BACH2: variants seen among roughly 807,000 people sequenced by gnomAD.
BACH2 encodes transcription regulator protein BACH2.
BACH2 carries 5 observed loss-of-function variants against 61.8 expected under a neutral mutation model. That is an observed-to-expected ratio of 0.08 (90% CI 0.04 to 0.17). The LOEUF (loss-of-function observed/expected upper bound fraction) is 0.17. Among genes scored for constraint, BACH2 ranks in the 10% least tolerant of loss-of-function variants. BACH2 has a pLI of 1.00. For missense variants in BACH2, 824 were observed against 1,091.1 expected (o/e 0.76, Z 3.45); for synonymous variants, 446 against 440.1 (o/e 1.01, Z -0.17).
chr6:90,201,254 G>A (rs545083970), intron 4 of BACH2, among the ~76,000 whole-genome samples: 28 of 152,254 alleles, frequency 1.8e-4, no homozygotes, highest in Non-Finnish European at 3.7e-4. Context: ...TTTTTTAGGC[G>A]TTGATACACC....
rs1374629645 is a variant in BACH2 at position 89,951,691 on chromosome 6, C to T, written c.415G>A (p.Gly139Ser). 6.2e-7 allele frequency: 1 copy of T among 1,614,104 alleles called. No homozygotes were observed. The highest frequency in any genetic ancestry group is 8.5e-7 in the Non-Finnish European group (1 of 1,180,050). ...LQTQLLNSED[G>S]LFVCRKDAAC... ...GCATCCTTCCGGCACACAAACAGGCCATCCTCACTGTTCAGGAGCTGGGTC... is the reference window on the plus strand; with the variant it reads ...GCATCCTTCCGGCACACAAACAGGCTATCCTCACTGTTCAGGAGCTGGGTC... The change falls in exon 7 of 9, where the codon GGC becomes AGC. Residue 139 changes from glycine to serine, a missense_variant. By Grantham distance (56) the Gly-to-Ser change is moderately conservative. Around this residue, in one of 8 missense-constraint regions of BACH2, gnomAD observed 107 missense variants for 121.7 expected, o/e 0.88. Transcript: ENST00000257749. This position sits in a 1 kb window ranked among gnomAD's most constrained non-coding sequence, Gnocchi z 6.4.
At chr6:90,285,512 C>A (rs1161936413) in intron 1 of BACH2, among the ~76,000 whole-genome samples, 1 of 152,200 alleles carries the variant, frequency 6.6e-6, no homozygotes, top group Non-Finnish European at 1.5e-5. Context: ...TTTGCCTCTC[C>A]CCTTAAATAT....
chr6:90,061,561 T>C (rs546309237), intron 5 of BACH2, among the ~76,000 whole-genome samples: 1 of 152,110 alleles, frequency 6.6e-6, no homozygotes, highest in Non-Finnish European at 1.5e-5. Context: ...AAGATATAAA[T>C]TGGGGAGTTG....
chr6:90,066,453 G>C (rs1780969875), intron 5 of BACH2, among the ~76,000 whole-genome samples: 1 of 152,162 alleles, frequency 6.6e-6, no homozygotes, highest in Admixed American at 6.5e-5. Flanking sequence ...TGACATTTAT[G>C]AAGATAAGTT....
At chr6:90,154,368 G>A (rs1784922273) in intron 4 of BACH2, among the ~76,000 whole-genome samples, 1 of 152,142 alleles carries the variant, frequency 6.6e-6, no homozygotes, top group Admixed American at 6.5e-5. Context: ...TAGGAGAAGT[G>A]TAGTCAATAG....
chr6:90,168,765 G>A (rs952587532), intron 4 of BACH2, among the ~76,000 whole-genome samples: 1 of 152,036 alleles, frequency 6.6e-6, no homozygotes, highest in African/African-American at 2.4e-5. Context: ...AAGTAACTTT[G>A]TTATAACTTG....
intron 6 of BACH2, among the ~76,000 whole-genome samples, chr6:89,961,145 A>G (rs1774722999): frequency 6.6e-6 from 1 of 152,168 alleles, no homozygotes; most frequent in African/African-American, 2.4e-5. Context: ...TATATGATAC[A>G]GATACAAGGA....
chr6:90,071,912 A>G (rs1781245434), intron 5 of BACH2, among the ~76,000 whole-genome samples: 1 of 152,206 alleles, frequency 6.6e-6, no homozygotes, highest in African/African-American at 2.4e-5. Flanking sequence ...ATCATCATAA[A>G]GGGCTTCATC....
intron 6 of BACH2, among the ~76,000 whole-genome samples, chr6:89,965,321 A>G (rs568992564): frequency 1.4e-4 from 22 of 152,254 alleles, no homozygotes; most frequent in Non-Finnish European, 2.9e-5. Context: ...GAGAAATTCT[A>G]TTTATCACTG....
In BACH2 at chr6:90,082,479, C is replaced by A. The variant is rs907358417; in HGVS notation, c.-13+6482G>T. On this transcript the variant is annotated intron_variant, in intron 5 of 8. Coordinates refer to ENST00000257749, the MANE Select transcript of BACH2 (RefSeq NM_021813.4). ...AAAAAGTAACAAGGAGATCACTGTC[C>A]TATAAGATGACACTTAAAGGCATCA... Among the ~76,000 whole-genome samples the A allele has an allele frequency of 1.2e-4, 18 of 152,154 alleles. No homozygotes were observed. In the East Asian group the frequency reaches 1.5e-3, roughly 13 times the overall value.
At chr6:89,945,018 A>G (rs1773645186) in intron 7 of BACH2, among the ~76,000 whole-genome samples, 1 of 152,208 alleles carries the variant, frequency 6.6e-6, no homozygotes, top group Non-Finnish European at 1.5e-5. Flanking sequence ...AAGATGGGCA[A>G]TAACAAGTGT....
chr6:89,960,199 C>A (rs1421289670), intron 6 of BACH2, among the ~76,000 whole-genome samples: 1 of 152,176 alleles, frequency 6.6e-6, no homozygotes, highest in Admixed American at 6.5e-5. Context: ...CCTGTGTAAC[C>A]AATTTCCTGT....
At chr6:89,984,769 C>G (rs1378260436) in intron 6 of BACH2, among the ~76,000 whole-genome samples, 2 of 152,190 alleles carry the variant, frequency 1.3e-5, no homozygotes, top group African/African-American at 4.8e-5. Flanking sequence ...AATATTTTCT[C>G]TAATTGCAAC....
At chr6:90,124,766 CATT>C (rs1259721648) in intron 4 of BACH2, among the ~76,000 whole-genome samples, 4 of 152,086 alleles carry the variant, frequency 2.6e-5, no homozygotes, top group African/African-American at 7.2e-5. Flanking sequence ...TCTGTTTTGT[CATT>C]ATTATTTTTG....
rs1772434237 is a variant in BACH2, at chr6:89,927,838, C to A, written c.*4570G>T. On this transcript the variant is annotated 3_prime_UTR_variant, in exon 9 of 9. Transcript: ENST00000257749. The stretch of plus-strand genomic sequence containing the variant: ...TTATGCTCAATCTGCCACAATGAGA[C>A]TTTTCTATGTACAAATGCTATTTGC... 6.5e-6 allele frequency: 1 copy of A among 152,782 alleles called. No homozygotes were observed. Among genetic ancestry groups the A allele is most frequent in the African/African-American group, 2.4e-5 (1 of 41,460 alleles). The allele number at this position is 152,782 out of a possible 1,614,324, so 9.5% of individuals were successfully genotyped here.
At chr6:90,083,501 T>C (rs1186835899) in intron 5 of BACH2, among the ~76,000 whole-genome samples, 1 of 152,220 alleles carries the variant, frequency 6.6e-6, no homozygotes, top group Non-Finnish European at 1.5e-5. Context: ...CAAATAATCA[T>C]ATCATAGGTT....
intron 6 of BACH2, among the ~76,000 whole-genome samples, chr6:90,004,567 T>A (rs1777306084): frequency 1.3e-5 from 2 of 152,198 alleles, no homozygotes; most frequent in South Asian, 4.1e-4. Context: ...GTAAGAATAG[T>A]GTTGATGTGC....
chr6:89,966,360 G>A (rs770446220), intron 6 of BACH2, among the ~76,000 whole-genome samples: 19 of 152,158 alleles, frequency 1.2e-4, no homozygotes, highest in Non-Finnish European at 2.5e-4. Context: ...TCTGCCAATG[G>A]AGAACAGTTA....
chr6:90,080,683 A>G, intron 5 of BACH2: 3 of 887,068 alleles, frequency 3.4e-6, no homozygotes, highest in Non-Finnish European at 4.1e-6. Context: ...ATTAATATTT[A>G]AAAGTCTAGT....
Sources: allele counts gnomAD v4.1 joint callset (sites outside exome capture counted in the v4.1 genomes callset), GRCh38; gene constraint gnomAD v4.1.1; regional missense constraint gnomAD v4.1.1; non-coding constraint Gnocchi (gnomAD v3.1); transcripts MANE v1.5; gene names NCBI Gene and HGNC (gene_info 2026-07-23, HGNC 2026-07-21).